NCALD: variants seen among roughly 807,000 people sequenced by gnomAD.
The protein encoded by NCALD is neurocalcin delta.
A neutral mutation model predicts 18.6 loss-of-function variants in NCALD; 10 were observed. The ratio of observed to expected loss-of-function variants is 0.54; its 90% CI spans 0.33 to 0.91. The LOEUF is 0.91. NCALD is among the 40% of genes least tolerant of loss of function. The pLI is 0.03. For missense variants in NCALD, 184 were observed against 247.6 expected (o/e 0.74, Z 1.72); for synonymous variants, 88 against 87.4 (o/e 1.01, Z -0.04).
chr8:102,010,406 G>A lies in NCALD; in HGVS notation c.-157+9831C>T, dbSNP rs1821865511. On this transcript the variant is annotated intron_variant, in intron 2 of 6. Coordinates refer to the NCALD transcript ENST00000311028. Reference sequence around the variant, plus strand: ...ATTATAAAATATCCAAGAATATAGAGTAATTATGACATCATAAAGTCTGAG... The same window carrying A: ...ATTATAAAATATCCAAGAATATAGAATAATTATGACATCATAAAGTCTGAG... Among the ~76,000 whole-genome samples the A allele has an allele frequency of 2.0e-5, 3 of 152,108 alleles. No individual in the cohort carries two copies. The South Asian group carries it at 6.2e-4, about 32-fold the overall frequency.
chr8:101,742,230 GAAAAAA>G (rs5893581), intron 1 of NCALD, among the ~76,000 whole-genome samples: 1 of 145,426 alleles, frequency 6.9e-6, no homozygotes, highest in Non-Finnish European at 1.5e-5. Flanking sequence ...CTGTCTCAAA[GAAAAAA>G]AAAAAGAAAG....
At chr8:102,025,906 G>C (rs1351996988) in intron 1 of NCALD, among the ~76,000 whole-genome samples, 1 of 152,144 alleles carries the variant, frequency 6.6e-6, no homozygotes, top group African/African-American at 2.4e-5. Context: ...CATTTCCACA[G>C]GGCTGGGGAG....
intron 3 of NCALD, among the ~76,000 whole-genome samples, chr8:101,903,972 A>G (rs910960935): frequency 1.3e-5 from 2 of 152,172 alleles, no homozygotes; most frequent in Non-Finnish European, 2.9e-5. Context: ...GGAATCCCAC[A>G]CATTCCCCAA....
chr8:102,100,002 G>GAAA (rs1563616528), intron 1 of NCALD, among the ~76,000 whole-genome samples: 2 of 127,526 alleles, frequency 1.6e-5, no homozygotes, highest in African/African-American at 2.9e-5. Flanking sequence ...AAAAGAAGAA[G>GAAA]AAGAAGAAAA....
intron 4 of NCALD, among the ~76,000 whole-genome samples, chr8:101,859,947 G>A (rs1258623620): frequency 6.6e-6 from 1 of 152,134 alleles, no homozygotes; most frequent in Non-Finnish European, 1.5e-5. Context: ...GAAATTTTTA[G>A]GATGTCAGAG....
At chr8:102,093,732 A>T (rs1196009218) in intron 1 of NCALD, among the ~76,000 whole-genome samples, 1 of 152,224 alleles carries the variant, frequency 6.6e-6, no homozygotes, top group Admixed American at 6.5e-5. Flanking sequence ...TGACCAAAAC[A>T]TAGCCATACA....
intron 1 of NCALD, among the ~76,000 whole-genome samples, chr8:102,108,265 G>C (rs1359176134): frequency 6.6e-6 from 1 of 152,214 alleles, no homozygotes; most frequent in Non-Finnish European, 1.5e-5. Context: ...ATCAGCCAAG[G>C]GGGGAAAAAT....
At chr8:101,971,391 GC>G (rs1406510249) in intron 2 of NCALD, among the ~76,000 whole-genome samples, 1 of 152,052 alleles carries the variant, frequency 6.6e-6, no homozygotes, top group Non-Finnish European at 1.5e-5. Flanking sequence ...TGTGTCAAGG[GC>G]AGGACCTGGT....
At chr8:102,096,788 T>C (rs2132396657) in intron 1 of NCALD, among the ~76,000 whole-genome samples, 1 of 152,330 alleles carries the variant, frequency 6.6e-6, no homozygotes, top group East Asian at 1.9e-4. Flanking sequence ...TGGGGCCCAC[T>C]CCCACCCTGT....
At chr8:101,833,086 C>A (rs1477263328) in intron 4 of NCALD, among the ~76,000 whole-genome samples, 1 of 152,142 alleles carries the variant, frequency 6.6e-6, no homozygotes, top group Non-Finnish European at 1.5e-5. Flanking sequence ...AAGGTGTCGC[C>A]CTTCTTCCTG....
intron 4 of NCALD, among the ~76,000 whole-genome samples, chr8:101,798,050 ATT>A (rs1430623602): frequency 6.6e-6 from 1 of 152,182 alleles, no homozygotes; most frequent in Non-Finnish European, 1.5e-5. Flanking sequence ...TATACGGCTA[ATT>A]TTATACTTAA....
chr8:101,743,516 T>C (rs191010031), intron 1 of NCALD, among the ~76,000 whole-genome samples: 154 of 152,274 alleles, frequency 1.0e-3, no homozygotes, highest in Non-Finnish European at 1.6e-3. Context: ...ACCTAACCTA[T>C]TAAGAAAGGT....
chr8:101,936,321 T>C (rs1818761767), intron 2 of NCALD, among the ~76,000 whole-genome samples: 1 of 152,152 alleles, frequency 6.6e-6, no homozygotes, highest in Non-Finnish European at 1.5e-5. Context: ...TTAATAATCA[T>C]GGTTAGGACT....
At chr8:101,783,022 G>A (rs868056859) in intron 1 of NCALD, among the ~76,000 whole-genome samples, 22 of 152,160 alleles carry the variant, frequency 1.4e-4, no homozygotes, top group South Asian at 1.2e-3. Context: ...GATATATCCC[G>A]GTTATTGAAA....
intron 4 of NCALD, among the ~76,000 whole-genome samples, chr8:101,872,921 A>C (rs907376649): frequency 3.3e-5 from 5 of 152,162 alleles, no homozygotes; most frequent in Admixed American, 2.6e-4. Flanking sequence ...ATCATATGAG[A>C]GAGAGACTCC....
At chr8:101,855,415 C>T (rs1815273245) in intron 4 of NCALD, among the ~76,000 whole-genome samples, 1 of 152,120 alleles carries the variant, frequency 6.6e-6, no homozygotes, top group Non-Finnish European at 1.5e-5. Context: ...GTTGAGTGCA[C>T]ATCTAAATGA....
At chr8:102,090,280 G>A (rs1824882140) in intron 1 of NCALD, among the ~76,000 whole-genome samples, 1 of 152,176 alleles carries the variant, frequency 6.6e-6, no homozygotes, top group Non-Finnish European at 1.5e-5. Flanking sequence ...TACCACAGAA[G>A]TAACCAAATT....
intron 4 of NCALD, among the ~76,000 whole-genome samples, chr8:101,880,374 CCA>C (rs1468030304): frequency 3.3e-5 from 5 of 152,180 alleles, no homozygotes; most frequent in Non-Finnish European, 7.4e-5. Context: ...GCCCCGGTTC[CCA>C]CTGGCGCCTC....
At chr8:101,892,503 G>C (rs1252458482) in intron 3 of NCALD, among the ~76,000 whole-genome samples, 1 of 149,558 alleles carries the variant, frequency 6.7e-6, no homozygotes, top group African/African-American at 2.6e-5. Context: ...ACGGAACAAA[G>C]CTGGATGGAG....
Sources: gnomAD v4.1 joint callset for allele counts (sites outside exome capture counted in the v4.1 genomes callset) on GRCh38, gnomAD v4.1.1 for gene constraint, MANE v1.5 for transcripts, NCBI Gene and HGNC (gene_info 2026-07-23, HGNC 2026-07-21) for gene names.